The following SLC24A3 variants were observed in gnomAD, a reference collection of about 807,000 sequenced individuals.
SLC24A3 encodes solute carrier family 24 member 3.
Under a neutral mutation model 75.8 loss-of-function variants are expected in SLC24A3, and 28 were observed. The observed-to-expected ratio is 0.37, with a 90% CI of 0.27 to 0.51. The LOEUF (loss-of-function observed/expected upper bound fraction) is 0.51, where lower values mean the gene tolerates loss of function less well. Ranked by LOEUF, SLC24A3 falls within the 20% of genes least tolerant of loss-of-function variation. The probability of loss-of-function intolerance (pLI) is 0.94; values close to 1 mark genes in which losing one functional copy is unlikely to be tolerated. For missense variants in SLC24A3, 663 were observed against 847.8 expected (o/e 0.78, Z 2.71); for synonymous variants, 372 against 334.1 (o/e 1.11, Z -1.24).
chr20:19,323,371 CT>C (rs2122280205), intron 2 of SLC24A3, among the ~76,000 whole-genome samples: 1 of 152,252 alleles, frequency 6.6e-6, no homozygotes, highest in Non-Finnish European at 1.5e-5. Context: ...GCCACATAAG[CT>C]TTTGGATGAC....
chr20:19,302,366 A>G (rs539279813), intron 2 of SLC24A3, among the ~76,000 whole-genome samples: 3 of 152,242 alleles, frequency 2.0e-5, no homozygotes, highest in Non-Finnish European at 4.4e-5. Context: ...AATCCATGTA[A>G]CTTCTCTGTG....
At chr20:19,489,528 T>C (rs545468778) in intron 2 of SLC24A3, among the ~76,000 whole-genome samples, 1 of 152,336 alleles carries the variant, frequency 6.6e-6, no homozygotes, top group Non-Finnish European at 1.5e-5. Context: ...ATTTGATAAG[T>C]ACTATTCTAA....
intron 2 of SLC24A3, among the ~76,000 whole-genome samples, chr20:19,409,490 T>C (rs1035503124): frequency 6.6e-5 from 10 of 152,208 alleles, no homozygotes; most frequent in South Asian, 4.1e-4. Context: ...GAAAAGGTTC[T>C]GAGCACCTTT....
At chr20:19,426,741 T>C (rs1012622109) in intron 2 of SLC24A3, among the ~76,000 whole-genome samples, 2 of 152,132 alleles carry the variant, frequency 1.3e-5, no homozygotes, top group Non-Finnish European at 2.9e-5. Context: ...ATTGGTTCTC[T>C]TGGGGAATGG....
intron 2 of SLC24A3, among the ~76,000 whole-genome samples, chr20:19,449,666 T>C (rs1987448093): frequency 2.0e-5 from 3 of 152,168 alleles, no homozygotes; most frequent in Admixed American, 2.0e-4. Context: ...GAATGAGAAC[T>C]TCTTCCTGGG....
intron 3 of SLC24A3, among the ~76,000 whole-genome samples, chr20:19,523,253 G>A (rs772919968): frequency 6.6e-6 from 1 of 152,216 alleles, no homozygotes; most frequent in African/African-American, 2.4e-5. Flanking sequence ...GAGGGGACCT[G>A]CATGATCTGG....
chr20:19,313,081 G>T (rs1265401131), intron 2 of SLC24A3, among the ~76,000 whole-genome samples: 1 of 125,210 alleles, frequency 8.0e-6, no homozygotes, highest in African/African-American at 3.1e-5. Context: ...CTGTCACCCA[G>T]GCTTGAGTGC....
intron 2 of SLC24A3, among the ~76,000 whole-genome samples, chr20:19,510,870 C>G (rs1988524874): frequency 6.6e-6 from 1 of 152,244 alleles, no homozygotes; most frequent in African/African-American, 2.4e-5. Flanking sequence ...AGACATGGGG[C>G]ATTCCTACAC....
At chr20:19,463,168 C>T (rs977995685) in intron 2 of SLC24A3, among the ~76,000 whole-genome samples, 8 of 152,140 alleles carry the variant, frequency 5.3e-5, no homozygotes, top group Non-Finnish European at 1.2e-4. Flanking sequence ...CTGTGTGGAC[C>T]CTTTGTCTTT....
At chr20:19,402,896 G>A (rs1986577928) in intron 2 of SLC24A3, among the ~76,000 whole-genome samples, 1 of 152,190 alleles carries the variant, frequency 6.6e-6, no homozygotes, top group Admixed American at 6.5e-5. Context: ...GTGGTGTCCA[G>A]GACAGTGGCC....
At chr20:19,705,453 A>G (rs2032919356) in intron 15 of SLC24A3, among the ~76,000 whole-genome samples, 1 of 152,196 alleles carries the variant, frequency 6.6e-6, no homozygotes, top group African/African-American at 2.4e-5. Context: ...TATTTGGAAA[A>G]ATAATCCCAG....
intron 2 of SLC24A3, among the ~76,000 whole-genome samples, chr20:19,422,421 C>A (rs1173033915): frequency 2.0e-5 from 3 of 152,078 alleles, no homozygotes; most frequent in Admixed American, 2.0e-4. Context: ...TAGGGCTGCA[C>A]CTCCATGGTT....
At chr20:19,442,619 A>G (rs1987314807) in intron 2 of SLC24A3, among the ~76,000 whole-genome samples, 2 of 152,222 alleles carry the variant, frequency 1.3e-5, no homozygotes, top group Middle Eastern at 3.4e-3. Context: ...TTTATCAAAT[A>G]TCTGTTTTGC....
chr20:19,306,196 A>C (rs953143286), intron 2 of SLC24A3, among the ~76,000 whole-genome samples: 12 of 152,242 alleles, frequency 7.9e-5, no homozygotes, highest in African/African-American at 2.7e-4. Flanking sequence ...ATCAGTCAGA[A>C]TGGCTATTAA....
intron 2 of SLC24A3, among the ~76,000 whole-genome samples, chr20:19,401,151 C>T (rs963707842): frequency 1.3e-5 from 2 of 152,102 alleles, no homozygotes; most frequent in Admixed American, 1.3e-4. Flanking sequence ...AATTGCTCTT[C>T]CTGAGATTGT....
intron 3 of SLC24A3, among the ~76,000 whole-genome samples, chr20:19,543,717 C>T (rs1352283595): frequency 6.6e-6 from 1 of 152,172 alleles, no homozygotes; most frequent in Non-Finnish European, 1.5e-5. Flanking sequence ...TTGTGCGTAG[C>T]CAACCCCCAG....
intron 2 of SLC24A3, among the ~76,000 whole-genome samples, chr20:19,433,088 G>A (rs76400921): frequency 0.037 from 5,701 of 152,148 alleles, 347 homozygotes; most frequent in African/African-American, 0.13. Context: ...TGTGCAAATA[G>A]CTCTCTCTCT....
intron 2 of SLC24A3, among the ~76,000 whole-genome samples, chr20:19,304,129 A>G (rs772232688): frequency 1.4e-4 from 21 of 152,242 alleles, no homozygotes; most frequent in Non-Finnish European, 2.9e-4. Flanking sequence ...TTAACATAAA[A>G]AGACCGTGAT....
chr20:19,268,182 C>T (rs1364975347), intron 1 of SLC24A3, among the ~76,000 whole-genome samples: 2 of 152,150 alleles, frequency 1.3e-5, no homozygotes, highest in Non-Finnish European at 2.9e-5. Flanking sequence ...TGTGCTTTTC[C>T]TTCAGGTCCC....
Sources: gnomAD v4.1 joint callset for allele counts (sites outside exome capture counted in the v4.1 genomes callset) on GRCh38, gnomAD v4.1.1 for gene constraint, MANE v1.5 for transcripts, NCBI Gene and HGNC (gene_info 2026-07-23, HGNC 2026-07-21) for gene names.